LATS1: variants seen among roughly 807,000 people sequenced by gnomAD.
The protein encoded by LATS1 is serine/threonine-protein kinase LATS1.
Under a neutral mutation model 106.6 loss-of-function variants are expected in LATS1, and 25 were observed. The observed-to-expected ratio is 0.23, with a 90% confidence interval of 0.17 to 0.33. The LOEUF (loss-of-function observed/expected upper bound fraction) is 0.33. Among genes scored for constraint, LATS1 ranks in the 10% least tolerant of loss-of-function variants. LATS1 has a pLI of 1.00. For missense variants in LATS1, 1,040 were observed against 1,382.6 expected, an observed-to-expected ratio of 0.75 and a Z score of 3.93; for synonymous variants, 465 against 455.6, an observed-to-expected ratio of 1.02 and a Z score of -0.26.
chr6:149,670,914 A>C (rs1781413475), intron 7 of LATS1, among the ~76,000 whole-genome samples: 1 of 151,658 alleles, frequency 6.6e-6, no homozygotes, highest in African/African-American at 2.4e-5. Flanking sequence ...TGGTAGAGGG[A>C]AAGTTCTTAG....
At position 149,717,960 on chromosome 6, in the gene LATS1, G is replaced by A. The variant is rs1784515144; in HGVS notation, c.-252C>T. ...AGTATCCCTGGTGGGGCAGAGCGGGGAGACGAACGGGGGGGCTGCCGCGGG... is the reference window on the plus strand; with the variant it reads ...AGTATCCCTGGTGGGGCAGAGCGGGAAGACGAACGGGGGGGCTGCCGCGGG... On this transcript the variant is annotated 5_prime_UTR_variant, in exon 1 of 8. Transcript: ENST00000543571. 2.8e-6 allele frequency: 1 copy of A among 363,410 alleles called. No homozygotes were observed. Among genetic ancestry groups the A allele is most frequent in the Middle Eastern group, 3.6e-4 (1 of 2,768 alleles). The allele number at this position is 363,410 out of a possible 1,614,324, so 22.5% of individuals were successfully genotyped here.
chr6:149,705,871 C>G (rs1783733045), intron 1 of LATS1, among the ~76,000 whole-genome samples: 1 of 151,980 alleles, frequency 6.6e-6, no homozygotes, highest in Non-Finnish European at 1.5e-5. Context: ...CTGTAGCGGG[C>G]TGAATAATGG....
intron 1 of LATS1, among the ~76,000 whole-genome samples, chr6:149,709,546 A>C (rs1783972463): frequency 6.6e-6 from 1 of 151,534 alleles, no homozygotes; most frequent in African/African-American, 2.4e-5. Context: ...GAAGCCTGCC[A>C]CCTGGAGGCT....
intron 3 of LATS1, among the ~76,000 whole-genome samples, chr6:149,688,426 A>G (rs1282737545): frequency 6.6e-6 from 1 of 151,932 alleles, no homozygotes; most frequent in African/African-American, 2.4e-5. Context: ...CTCCTGCCTC[A>G]GCCTCCCAAG....
rs1365068830 is a variant in LATS1, at chr6:149,684,323, G to C, written c.766C>G (p.Pro256Ala). ...TPPPPPRGQT[P>A]PPRGTTPPPP... ...GGTGGAGTTGTACCTCTTGGAGGGG[G>C]AGTCTGGCCTCTTGGAGGTGGTGGA... The change falls in exon 4 of 8, where the codon CCC becomes GCC. Residue 256 changes from proline to alanine, a missense_variant. Physicochemically the swap from Pro to Ala is conservative, Grantham distance 27. This residue lies in a region of LATS1 where 624 missense variants were observed against 714.8 expected (regional missense o/e 0.87). Transcript: ENST00000543571. 3 of 1,613,992 alleles carry C rather than the reference G, an allele frequency of 1.9e-6. No homozygotes were observed. The highest frequency in any genetic ancestry group is 1.6e-4 in the Middle Eastern group (1 of 6,062).
chr6:149,689,201 T>C (rs1167621449), intron 3 of LATS1, among the ~76,000 whole-genome samples: 2 of 150,260 alleles, frequency 1.3e-5, no homozygotes, highest in Non-Finnish European at 3.0e-5. Context: ...GGTCCTGAGG[T>C]GGGAGCTTGG....
chr6:149,712,647 G>A lies in LATS1; in HGVS notation c.-141+5202C>T, dbSNP rs551852346. On this transcript the variant is annotated intron_variant, in intron 1 of 7. Coordinates refer to ENST00000543571, the MANE Select transcript of LATS1 (RefSeq NM_004690.4). ...ATTACAGGTGTGAGCCACCATGCCCGGCCAGTATCATGTTTGTTTGATTCT... is the reference window on the plus strand; with the variant it reads ...ATTACAGGTGTGAGCCACCATGCCCAGCCAGTATCATGTTTGTTTGATTCT... Among the ~76,000 whole-genome samples, 248 of 152,214 alleles carry A rather than the reference G, an allele frequency of 1.6e-3. 1 individual carries two copies. Among genetic ancestry groups the A allele is most frequent in the African/African-American group, 5.6e-3 (231 of 41,530 alleles).
intron 4 of LATS1, among the ~76,000 whole-genome samples, chr6:149,681,358 A>C (rs556242677): frequency 1.3e-5 from 2 of 152,384 alleles, no homozygotes; most frequent in African/African-American, 2.4e-5. Flanking sequence ...AAAATAGAAC[A>C]ACCACATGCT....
intron 7 of LATS1, chr6:149,675,588 G>A (rs35967444): frequency 0.45 from 68,372 of 152,060 alleles, 16,482 homozygotes; most frequent in East Asian, 0.81. Flanking sequence ...GAGGAGTTTC[G>A]CCCTTTCACC....
intron 7 of LATS1, chr6:149,675,585 T>C (rs1033514118): frequency 1.3e-5 from 2 of 152,232 alleles, no homozygotes; most frequent in Non-Finnish European, 2.9e-5. Context: ...TTTGAGGAGT[T>C]TCGCCCTTTC....
chr6:149,684,321 G>A lies in LATS1; in HGVS notation c.768C>T (p.Pro256=). The change falls in exon 4 of 8, where the codon CCC becomes CCT. Residue 256 remains proline (P), a synonymous_variant. Coordinates refer to ENST00000543571, the MANE Select transcript of LATS1 (RefSeq NM_004690.4). ...TPPPPPRGQT[P]PPRGTTPPPP... is the part of the protein sequence containing the mutation. ...GAGGTGGAGTTGTACCTCTTGGAGG[G>A]GGAGTCTGGCCTCTTGGAGGTGGTG... The A allele has an allele frequency of 1.2e-6, 2 of 1,613,828 alleles. No individual in the cohort carries two copies. The highest frequency in any genetic ancestry group is 1.7e-6 in the Non-Finnish European group (2 of 1,179,944).
intron 7 of LATS1, among the ~76,000 whole-genome samples, chr6:149,664,748 T>A (rs1781055322): frequency 6.6e-6 from 1 of 152,096 alleles, no homozygotes; most frequent in African/African-American, 2.4e-5. Flanking sequence ...AAAAATTAAT[T>A]CTCACTATGT....
intron 3 of LATS1, among the ~76,000 whole-genome samples, chr6:149,693,139 T>C (rs1001810815): frequency 6.6e-6 from 1 of 151,926 alleles, no homozygotes; most frequent in Non-Finnish European, 1.5e-5. Context: ...GGTGTGCACC[T>C]GTAACCCCAG....
chr6:149,690,605 G>T (rs983898419), intron 3 of LATS1, among the ~76,000 whole-genome samples: 99 of 151,024 alleles, frequency 6.6e-4, no homozygotes, highest in African/African-American at 2.4e-3. Context: ...GGAGTGCAGC[G>T]GCGCAATCAC....
At chr6:149,688,211 C>G (rs1165634261) in intron 3 of LATS1, among the ~76,000 whole-genome samples, 2 of 152,050 alleles carry the variant, frequency 1.3e-5, no homozygotes, top group Admixed American at 1.3e-4. Flanking sequence ...TTTTATCCAA[C>G]TTAAATCCAT....
Position 149,678,168 on chromosome 6 carries a change from A to T in LATS1, c.2594-1431T>A, listed in dbSNP as rs1195614994. Among the ~76,000 whole-genome samples the T allele has an allele frequency of 1.4e-5, 2 of 139,034 alleles. 1 individual carries two copies. The highest frequency in any genetic ancestry group is 5.3e-5 in the African/African-American group (2 of 37,984). 91.2% of individuals were successfully genotyped at this position (139,034 alleles called of 152,430 possible). A position where few individuals can be genotyped will look rare whatever the true frequency, so the allele number is the denominator to read the frequency against. ...ACCTGGTCTCTACTAAAAATCCAAA[A>T]AAAAAAAAAAAAAAAAAAAAAAAAA... On this transcript the variant is annotated intron_variant, in intron 5 of 7. Transcript: ENST00000543571.
chr6:149,677,543 A>T (rs1035964980), intron 5 of LATS1, among the ~76,000 whole-genome samples: 5 of 149,618 alleles, frequency 3.3e-5, no homozygotes, highest in South Asian at 2.1e-4. Flanking sequence ...ATTTATGCTT[A>T]AAAAAAAAAG....
At position 149,687,101 on chromosome 6, in the gene LATS1, T is replaced by TA. The variant is rs377048479; in HGVS notation, c.497-2510_497-2509insT. Among the ~76,000 whole-genome samples, 47 of 151,128 alleles carry TA rather than the reference T, an allele frequency of 3.1e-4. No individual in the cohort carries two copies. The Middle Eastern group carries it at 0.01, about 33-fold the overall frequency. On this transcript the variant is annotated intron_variant, in intron 3 of 7. Transcript: ENST00000543571. The stretch of plus-strand genomic sequence containing the variant: ...CAAGATCTCCAAGATTTTTATTTTT[T>TA]TTTTTTTGAGACAGAGACTTGCTCT...
At chr6:149,695,989 T>C (rs1783041494) in intron 2 of LATS1, among the ~76,000 whole-genome samples, 1 of 151,840 alleles carries the variant, frequency 6.6e-6, no homozygotes, top group African/African-American at 2.4e-5. Context: ...ACTAGCAACT[T>C]CTACCTCCTG....
Sources: gnomAD v4.1 joint callset for allele counts (sites outside exome capture counted in the v4.1 genomes callset) on GRCh38, gnomAD v4.1.1 for gene constraint, gnomAD v4.1.1 regional missense constraint, MANE v1.5 for transcripts, NCBI Gene and HGNC (gene_info 2026-07-23, HGNC 2026-07-21) for gene names.